NRP2: variants seen among roughly 807,000 people sequenced by gnomAD.
NRP2 encodes the protein neuropilin 2, also known as neuropilin-2.
NRP2 carries 52 observed loss-of-function variants against 110.4 expected under a neutral mutation model. That is an observed-to-expected ratio of 0.47 (90% CI 0.38 to 0.59). NRP2 has a LOEUF of 0.59. Ranked by LOEUF, NRP2 falls within the 20% of genes least tolerant of loss-of-function variation. The pLI is 0.00. For missense variants in NRP2, 1,049 were observed against 1,203.0 expected (o/e 0.87, Z 1.89); for synonymous variants, 508 against 468.9 (o/e 1.08, Z -1.08).
chr2:205,714,668 C>T (rs1371455063), intron 2 of NRP2, among the ~76,000 whole-genome samples: 2 of 151,912 alleles, frequency 1.3e-5, no homozygotes, highest in African/African-American at 2.4e-5. Context: ...ACCATCTCTC[C>T]ATTTCTCCCT....
In NRP2 at chr2:205,750,584, C is replaced by T. The variant is rs373268184; in HGVS notation, c.1903+743C>T. ...ATTGGCAGAATCCAAAAGTCAGTCA[C>T]ATTTTAAATCATACTGCTAAAGTCA... On this transcript the variant is annotated intron_variant, in intron 11 of 16. Coordinates refer to ENST00000357785, the MANE Select transcript of NRP2 (RefSeq NM_003872.3). Among the ~76,000 whole-genome samples the T allele has an allele frequency of 1.8e-4, 28 of 152,352 alleles. No homozygotes were observed. In the East Asian group the frequency reaches 3.9e-3, roughly 21 times the overall value.
intron 8 of NRP2, 134 bp downstream of exon 8, chr2:205,740,797 C>G (rs922673931): frequency 2.1e-6 from 2 of 947,880 alleles, no homozygotes; most frequent in Non-Finnish European, 3.1e-6. Context: ...CAAGTCCTAC[C>G]AGAGTTTGTC....
intron 15 of NRP2, chr2:205,778,973 T>C (rs545645194): frequency 6.6e-6 from 1 of 152,372 alleles, no homozygotes. Context: ...AGGTCAGCTC[T>C]TCTGTAAAAT....
Position 205,739,105 on chromosome 2 carries a change from G to A in NRP2, c.1147-1414G>A, listed in dbSNP as rs193067576. Among the ~76,000 whole-genome samples, 447 of 152,232 alleles carry A rather than the reference G, an allele frequency of 2.9e-3. 1 individual carries two copies. Among genetic ancestry groups the A allele is most frequent in the Middle Eastern group, 0.014 (4 of 294 alleles). ...ATTACTCAAAGCCATTCTAAGGTGG[G>A]ATTATAAACTCACACTGGAAACACA... On this transcript the variant is annotated intron_variant, in intron 7 of 16. Coordinates refer to ENST00000357785, the MANE Select transcript of NRP2 (RefSeq NM_003872.3).
intron 2 of NRP2, among the ~76,000 whole-genome samples, chr2:205,702,241 TG>T (rs755531937): frequency 9.2e-5 from 14 of 152,372 alleles, no homozygotes; most frequent in Non-Finnish European, 1.6e-4. Flanking sequence ...GACTTGTTTT[TG>T]CTTTTTTATG....
rs1030344019 is a variant in NRP2, at chr2:205,795,169, C to T, written c.*111C>T. On this transcript the variant is annotated 3_prime_UTR_variant, in exon 17 of 17. Transcript: ENST00000357785. ...ATGCCATAATCTCGATCAAACCGAT[C>T]CAGAATACCGAAGGTATGGACAGGA... The T allele has an allele frequency of 1.8e-6, 2 of 1,084,126 alleles. No homozygotes were observed. The highest frequency in any genetic ancestry group is 2.7e-6 in the Non-Finnish European group (2 of 731,148). 67.2% of individuals were successfully genotyped at this position (1,084,126 alleles called of 1,614,324 possible).
chr2:205,758,287 A>T (rs910284293), intron 12 of NRP2, among the ~76,000 whole-genome samples: 6 of 152,310 alleles, frequency 3.9e-5, no homozygotes, highest in Non-Finnish European at 7.3e-5. Flanking sequence ...TCGTTCTAGT[A>T]GGAGGGCAAG....
chr2:205,786,141 C>T (rs2058233579), intron 15 of NRP2, among the ~76,000 whole-genome samples: 1 of 152,166 alleles, frequency 6.6e-6, no homozygotes, highest in Non-Finnish European at 1.5e-5. Context: ...CTCCTTATTG[C>T]AACTTGGATG....
chr2:205,780,028 A>G (rs1377398599), intron 15 of NRP2, among the ~76,000 whole-genome samples: 1 of 152,194 alleles, frequency 6.6e-6, no homozygotes, highest in Non-Finnish European at 1.5e-5. Flanking sequence ...AAATCCCTGG[A>G]GATTAGATTC....
chr2:205,794,365 C>A (rs960957395), intron 16 of NRP2, among the ~76,000 whole-genome samples: 1 of 152,194 alleles, frequency 6.6e-6, no homozygotes, highest in African/African-American at 2.4e-5. Context: ...CCGCCTCGGC[C>A]TCCCAAAGTG....
intron 2 of NRP2, among the ~76,000 whole-genome samples, chr2:205,710,471 G>A: frequency 6.6e-6 from 1 of 152,218 alleles, no homozygotes; most frequent in East Asian, 1.9e-4. Context: ...AATGTGAACA[G>A]TTTGCAGATA....
intron 1 of NRP2, among the ~76,000 whole-genome samples, chr2:205,695,218 T>C (rs2056398180): frequency 6.6e-6 from 1 of 152,212 alleles, no homozygotes; most frequent in Non-Finnish European, 1.5e-5. Flanking sequence ...AAAAAAGCAA[T>C]GGATGACTCC....
Position 205,716,299 on chromosome 2 carries a change from C to T in NRP2, c.358C>T (p.Leu120Phe). 3.1e-6 allele frequency: 5 copies of T among 1,614,184 alleles called. No homozygotes were observed. The highest frequency in any genetic ancestry group is 4.2e-6 in the Non-Finnish European group (5 of 1,180,040). Residue 120 changes from leucine to phenylalanine, a missense_variant, in exon 3 of 17, where the codon CTC (leucine) becomes TTC (phenylalanine). Transcript: ENST00000357785. ...CACCATCATCTCCTCGGGCTCCATG[C>T]TCTACATCAAGTTCACCTCCGACTA... ...PPTIISSGSMLYIKFTSDYAR... is the reference protein window; with the variant it reads ...PPTIISSGSMFYIKFTSDYAR...
intron 13 of NRP2, 26 bp from the exon 14 acceptor site, chr2:205,765,448 A>G: frequency 1.9e-6 from 3 of 1,601,086 alleles, no homozygotes; most frequent in Non-Finnish European, 2.6e-6. Context: ...TCAGTTAACC[A>G]TGGCTCTTAT....
chr2:205,697,312 C>CTGTGTGTG (rs3072627), intron 1 of NRP2, among the ~76,000 whole-genome samples: 1,977 of 137,926 alleles, frequency 0.014, 72 homozygotes, highest in African/African-American at 0.054. Context: ...ATACTTTCAT[C>CTGTGTGTG]TGTGTGTGTG....
intron 7 of NRP2, among the ~76,000 whole-genome samples, chr2:205,739,768 C>T (rs1559339017): frequency 6.6e-6 from 1 of 150,858 alleles, no homozygotes; most frequent in Non-Finnish European, 1.5e-5. Flanking sequence ...TCTGGAAAGC[C>T]AGGACTTGCT....
At chr2:205,741,533 G>C (rs1241753854) in intron 8 of NRP2, among the ~76,000 whole-genome samples, 1 of 152,210 alleles carries the variant, frequency 6.6e-6, no homozygotes, top group East Asian at 1.9e-4. Context: ...GGACATTATA[G>C]GAGGCAATGC....
chr2:205,687,377 C>T (rs2056196281), intron 1 of NRP2, among the ~76,000 whole-genome samples: 1 of 152,176 alleles, frequency 6.6e-6, no homozygotes, highest in Non-Finnish European at 1.5e-5. Flanking sequence ...TTTACGCAGA[C>T]GGCCTGCTCT....
chr2:205,784,573 C>G (rs1169633203), intron 15 of NRP2, among the ~76,000 whole-genome samples: 1 of 152,062 alleles, frequency 6.6e-6, no homozygotes, highest in African/African-American at 2.4e-5. Flanking sequence ...GAGGATGAGC[C>G]CCATATTAGT....
Sources: allele counts gnomAD v4.1 joint callset (sites outside exome capture counted in the v4.1 genomes callset), GRCh38; gene constraint gnomAD v4.1.1; transcripts MANE v1.5; gene names NCBI Gene and HGNC (gene_info 2026-07-23, HGNC 2026-07-21).